The following MTPN variants were observed in gnomAD, a reference collection of about 807,000 sequenced individuals.
MTPN encodes the protein myotrophin, also known as granule cell differentiation protein.
A neutral mutation model predicts 13.5 loss-of-function variants in MTPN; 2 were observed. That is an observed-to-expected ratio of 0.15 (90% confidence interval 0.06 to 0.47). MTPN has a LOEUF of 0.47. Ranked by LOEUF, MTPN falls within the 20% of genes least tolerant of loss-of-function variation. The pLI is 0.97. For synonymous variants in MTPN, 46 were observed against 51.7 expected (o/e 0.89, Z 0.48); for missense variants, 79 against 137.9 (o/e 0.57, Z 2.14).
At chr7:135,959,314 G>T (rs1049807481) in intron 1 of MTPN, among the ~76,000 whole-genome samples, 4 of 152,060 alleles carry the variant, frequency 2.6e-5, no homozygotes, top group African/African-American at 9.7e-5. Flanking sequence ...TGATTCCTAA[G>T]CACACATTTT....
chr7:135,969,238 TAAAAAAAAA>T, intron 1 of MTPN, among the ~76,000 whole-genome samples: 1 of 109,116 alleles, frequency 9.2e-6, no homozygotes. Flanking sequence ...TAAAGTATAA[TAAAAAAAAA>T]AAAAAAGAAA....
chr7:135,942,964 T>C (rs990419354), intron 3 of MTPN, among the ~76,000 whole-genome samples: 4 of 152,216 alleles, frequency 2.6e-5, no homozygotes, highest in African/African-American at 9.7e-5. Context: ...GTGAAACCTA[T>C]CAAAACAGTC....
intron 1 of MTPN, among the ~76,000 whole-genome samples, chr7:135,962,759 C>T (rs1307214676): frequency 6.6e-6 from 1 of 151,984 alleles, no homozygotes; most frequent in Non-Finnish European, 1.5e-5. Flanking sequence ...ATTAGTACTT[C>T]TTACAGGCCT....
chr7:135,965,713 C>A (rs1350739189), intron 1 of MTPN, among the ~76,000 whole-genome samples: 1 of 152,076 alleles, frequency 6.6e-6, no homozygotes, highest in Non-Finnish European at 1.5e-5. Context: ...GTTGTCACTA[C>A]AAACAGTGTG....
intron 1 of MTPN, among the ~76,000 whole-genome samples, chr7:135,976,730 A>T (rs1401594190): frequency 6.6e-6 from 1 of 152,198 alleles, no homozygotes; most frequent in Non-Finnish European, 1.5e-5. Flanking sequence ...ATCAGTGCGC[A>T]GAAGAAACTC....
intron 2 of MTPN, among the ~76,000 whole-genome samples, chr7:135,951,205 T>C (rs1051973526): frequency 6.6e-6 from 1 of 152,200 alleles, no homozygotes; most frequent in African/African-American, 2.4e-5. Flanking sequence ...TCCTATGCTG[T>C]ATTACATCAT....
At position 135,927,493 on chromosome 7, in the gene MTPN, T is replaced by C. The variant is rs1331273548; in HGVS notation, c.*2433A>G. ...GCAAAATTTTTTCTGAGATGTTAAG[T>C]ATTACTTCAGTGGAGAACAAAACTT... is the stretch of plus-strand genomic sequence containing the variant. On this transcript the variant is annotated 3_prime_UTR_variant, in exon 4 of 4. Coordinates refer to ENST00000393085, the MANE Select transcript of MTPN (RefSeq NM_145808.4). 3 of 1,349,862 alleles carry C rather than the reference T, an allele frequency of 2.2e-6. No homozygotes were observed. The highest frequency in any genetic ancestry group is 2.0e-6 in the Non-Finnish European group (2 of 980,072). The allele number at this position is 1,349,862 out of a possible 1,614,324, so 83.6% of individuals were successfully genotyped here. A position where few individuals can be genotyped will look rare whatever the true frequency, so the allele number is the denominator to read the frequency against.
chr7:135,969,118 T>G (rs1272845908), intron 1 of MTPN, among the ~76,000 whole-genome samples: 1 of 133,060 alleles, frequency 7.5e-6, no homozygotes, highest in South Asian at 2.4e-4. Context: ...GGGATAGCAT[T>G]GGGAGATATA....
chr7:135,941,538 C>A (rs752111346), intron 3 of MTPN, among the ~76,000 whole-genome samples: 1 of 152,138 alleles, frequency 6.6e-6, no homozygotes, highest in Non-Finnish European at 1.5e-5. Flanking sequence ...TTCAAGTTTT[C>A]CAAGCAGCTG....
At chr7:135,975,074 C>T (rs539396899) in intron 1 of MTPN, among the ~76,000 whole-genome samples, 33 of 152,176 alleles carry the variant, frequency 2.2e-4, no homozygotes, top group African/African-American at 7.5e-4. Context: ...AATGTCTACC[C>T]TCCCTCTTAT....
intron 1 of MTPN, among the ~76,000 whole-genome samples, chr7:135,962,087 G>A (rs113887851): frequency 6.6e-6 from 1 of 151,872 alleles, no homozygotes; most frequent in Non-Finnish European, 1.5e-5. Flanking sequence ...TGTACTCTAT[G>A]GAAATTGTAC....
At chr7:135,938,846 C>T (rs10236599) in intron 3 of MTPN, among the ~76,000 whole-genome samples, 3,915 of 152,222 alleles carry the variant, frequency 0.026, 172 homozygotes, top group African/African-American at 0.09. Flanking sequence ...CTTCAACAGA[C>T]CCCCGAGGGT....
At position 135,928,281 on chromosome 7, in the gene MTPN, CAT is replaced by C. The variant is rs1211484823; in HGVS notation, c.*1643_*1644del. On this transcript the variant is annotated 3_prime_UTR_variant, in exon 4 of 4. Transcript: ENST00000393085. ...AAGCCACAGGATTAAAAAAAGGACTCATGGGGAAAAATACACACACACACCCA... is the reference window on the plus strand; with the variant it reads ...AAGCCACAGGATTAAAAAAAGGACTCGGGGAAAAATACACACACACACCCA... 3 of 166,998 alleles carry C rather than the reference CAT, an allele frequency of 1.8e-5. No individual in the cohort carries two copies. The highest frequency in any genetic ancestry group is 4.4e-5 in the Non-Finnish European group (3 of 68,290). 10.3% of individuals were successfully genotyped at this position (166,998 alleles called of 1,614,324 possible). A position where few individuals can be genotyped will look rare whatever the true frequency, so the allele number is the denominator to read the frequency against.
chr7:135,955,631 T>C (rs1436001585), intron 1 of MTPN, among the ~76,000 whole-genome samples: 2 of 152,190 alleles, frequency 1.3e-5, no homozygotes, highest in Non-Finnish European at 2.9e-5. Context: ...AAGAAAATAC[T>C]GTATGCCAAT....
rs6968502 is a variant in MTPN at position 135,969,931 on chromosome 7, T to C, written c.72+7098A>G. On this transcript the variant is annotated intron_variant, in intron 1 of 3. Transcript: ENST00000393085. ...TGGCAAAATCTAAAAAGTCTGATGA[T>C]GCCCAGTGCTGTTGATGGTGTGAGG... Among the ~76,000 whole-genome samples the C allele has an allele frequency of 1.0e-3, 158 of 152,338 alleles. 1 individual carries two copies. Among genetic ancestry groups the C allele is most frequent in the African/African-American group, 2.6e-3 (108 of 41,570 alleles).
intron 1 of MTPN, among the ~76,000 whole-genome samples, chr7:135,965,871 C>A (rs1399246335): frequency 6.6e-6 from 1 of 151,994 alleles, no homozygotes; most frequent in Non-Finnish European, 1.5e-5. Context: ...ACTTTGAAAA[C>A]AACAAAGGAA....
At chr7:135,934,921 C>T (rs1243449727) in intron 3 of MTPN, among the ~76,000 whole-genome samples, 1 of 152,182 alleles carries the variant, frequency 6.6e-6, no homozygotes, top group Non-Finnish European at 1.5e-5. Context: ...TCCTAATCAT[C>T]TCATCCATGT....
intron 1 of MTPN, among the ~76,000 whole-genome samples, chr7:135,972,619 T>A (rs773544204): frequency 6.6e-6 from 1 of 152,140 alleles, no homozygotes; most frequent in Non-Finnish European, 1.5e-5. Flanking sequence ...TGAAAAAGAA[T>A]ATATTATCTA....
chr7:135,943,421 AT>A (rs1799242951), intron 3 of MTPN, among the ~76,000 whole-genome samples: 1 of 152,228 alleles, frequency 6.6e-6, no homozygotes, highest in Non-Finnish European at 1.5e-5. Flanking sequence ...TGAGAGGGAT[AT>A]TCAAGTTTTA....
Sources: gnomAD v4.1 joint callset for allele counts (sites outside exome capture counted in the v4.1 genomes callset) on GRCh38, gnomAD v4.1.1 for gene constraint, MANE v1.5 for transcripts, NCBI Gene and HGNC (gene_info 2026-07-23, HGNC 2026-07-21) for gene names.